The following DMWD variants were observed in gnomAD, a reference collection of about 807,000 sequenced individuals.
DMWD encodes the protein dystrophia myotonica WD repeat-containing protein.
DMWD carries 19 observed loss-of-function variants against 45.8 expected under a neutral mutation model. That is an observed-to-expected ratio of 0.41 (90% CI 0.29 to 0.61). The LOEUF (loss-of-function observed/expected upper bound fraction) is 0.61, where lower values mean the gene tolerates loss of function less well. Among genes scored for constraint, DMWD ranks in the 20% least tolerant of loss-of-function variants. The pLI is 0.25. For synonymous variants in DMWD, 515 were observed against 440.5 expected (o/e 1.17, Z -2.12); for missense variants, 802 against 965.2 (o/e 0.83, Z 2.24).
chr19:45,790,359 A>G (rs1036163741), intron 2 of DMWD, among the ~76,000 whole-genome samples: 1 of 150,638 alleles, frequency 6.6e-6, no homozygotes, highest in African/African-American at 2.4e-5. Context: ...TTACAATTAA[A>G]AAAAAAAAAA....
Position 45,792,808 on chromosome 19 carries a change from C to T in DMWD, c.-52G>A. The T allele has an allele frequency of 1.8e-5, 20 of 1,083,698 alleles. No individual in the cohort carries two copies. Among genetic ancestry groups the T allele is most frequent in the East Asian group, 6.3e-5 (1 of 15,916 alleles). The allele number at this position is 1,083,698 out of a possible 1,614,324, so 67.1% of individuals were successfully genotyped here. On this transcript the variant is annotated 5_prime_UTR_variant, in exon 1 of 5. Coordinates refer to ENST00000270223, the MANE Select transcript of DMWD (RefSeq NM_004943.2). ...TGCCGGACTGCCGCCCGCAGCCGGG[C>T]CCCCTCCCGGAAGCCGCTGGCCCGC...
chr19:45,786,983 A>G, intron 2 of DMWD, 112 bp from the exon 3 acceptor site: 1 of 1,491,482 alleles, frequency 6.7e-7, no homozygotes, highest in Admixed American at 2.1e-5. Context: ...CTCACACAGC[A>G]GGTGCCACAC....
intron 2 of DMWD, 150 bp from the exon 3 acceptor site, chr19:45,787,021 C>A: frequency 7.3e-7 from 1 of 1,361,204 alleles, no homozygotes; most frequent in Non-Finnish European, 9.9e-7. Flanking sequence ...CGGAGAGAAG[C>A]TCCCAAACTG....
chr19:45,790,323 A>G (rs1198895302), intron 2 of DMWD: 2 of 147,988 alleles, frequency 1.4e-5, no homozygotes, highest in East Asian at 4.0e-4. Flanking sequence ...AAAGAAAAAA[A>G]AAATTAAAAA....
rs1970368646 is a variant in DMWD, at chr19:45,792,568, G to A, written c.189C>T (p.Pro63=). The A allele has an allele frequency of 3.2e-6, 4 of 1,245,448 alleles. No homozygotes were observed. The highest frequency in any genetic ancestry group is 3.1e-6 in the Non-Finnish European group (3 of 981,610). 77.1% of individuals were successfully genotyped at this position (1,245,448 alleles called of 1,614,324 possible). Residue 63 remains proline, a synonymous_variant, in exon 1 of 5, where the codon CCC becomes CCT. Coordinates refer to ENST00000270223, the MANE Select transcript of DMWD (RefSeq NM_004943.2). ...PVPPQPPQPP[P]GPASASGPGA... ...CGGGACCGGAGGCGGAGGCAGGGCCGGGCGGGGGCTGCGGTGGCTGAGGCG... is the reference window on the plus strand; with the variant it reads ...CGGGACCGGAGGCGGAGGCAGGGCCAGGCGGGGGCTGCGGTGGCTGAGGCG...
In DMWD at chr19:45,790,886, C is replaced by A; in HGVS notation, c.624+19G>T. The A allele has an allele frequency of 6.3e-7, 1 of 1,589,738 alleles. No individual in the cohort carries two copies. The highest frequency in any genetic ancestry group is 8.6e-7 in the Non-Finnish European group (1 of 1,167,972). On this transcript the variant is annotated intron_variant, in intron 2 of 4. Transcript: ENST00000270223. ...GGTGAGAAGGCAGAGAAGTTGGGGGCTCTGGGGGCTGCAATCACCTCCTCA... is the reference window on the plus strand; with the variant it reads ...GGTGAGAAGGCAGAGAAGTTGGGGGATCTGGGGGCTGCAATCACCTCCTCA...
rs1029131344 is a variant in DMWD, at chr19:45,792,718, G to A, written c.39C>T (p.Gly13=). The change falls in exon 1 of 5, where the codon GGC becomes GGT. Residue 13 remains glycine (G), a synonymous_variant. Transcript: ENST00000270223. ...TCTCCGCGCAGTCCCCCATGGCGGC[G>A]CCGGGGCCCGAGCCGCCCTCCGCGC... ...AGGAEGGSGP[G]AAMGDCAEIK... 7.1e-5 allele frequency: 86 copies of A among 1,205,618 alleles called. No homozygotes were observed. The African/African-American group carries it at 1.3e-3, about 18-fold the overall frequency. The allele number at this position is 1,205,618 out of a possible 1,614,324, so 74.7% of individuals were successfully genotyped here.
intron 2 of DMWD, chr19:45,787,175 G>C (rs1025329101): frequency 2.1e-6 from 1 of 475,340 alleles, no homozygotes; most frequent in Non-Finnish European, 3.8e-6. Context: ...CCTGTATCTC[G>C]GGGTCCTCAA....
Position 45,792,812 on chromosome 19 carries a change from C to A in DMWD, c.-56G>T. The A allele has an allele frequency of 9.3e-7, 1 of 1,080,324 alleles. No homozygotes were observed. Among genetic ancestry groups the A allele is most frequent in the South Asian group, 4.4e-5 (1 of 22,870 alleles). The allele number at this position is 1,080,324 out of a possible 1,614,324, so 66.9% of individuals were successfully genotyped here. ...GGACTGCCGCCCGCAGCCGGGCCCCCTCCCGGAAGCCGCTGGCCCGCGCCG... is the reference window on the plus strand; with the variant it reads ...GGACTGCCGCCCGCAGCCGGGCCCCATCCCGGAAGCCGCTGGCCCGCGCCG... On this transcript the variant is annotated 5_prime_UTR_variant, in exon 1 of 5. The change creates a new upstream start codon in the 5' untranslated region. Coordinates refer to ENST00000270223, the MANE Select transcript of DMWD (RefSeq NM_004943.2).
Position 45,784,277 on chromosome 19 carries a change from TG to T in DMWD, c.1990del (p.Gln664AsnfsTer88). 6.6e-7 allele frequency: 1 copy of T among 1,517,774 alleles called. No homozygotes were observed. The highest frequency in any genetic ancestry group is 1.3e-5 in the South Asian group (1 of 75,672). 94.0% of individuals were successfully genotyped at this position (1,517,774 alleles called of 1,614,324 possible). A position where few individuals can be genotyped will look rare whatever the true frequency, so the allele number is the denominator to read the frequency against. On this transcript the variant is annotated frameshift_variant, in exon 5 of 5. Coordinates refer to ENST00000270223, the MANE Select transcript of DMWD (RefSeq NM_004943.2). LOFTEE classifies it high-confidence loss of function. ...SKSVVEGISS[Q>X]PGNSPSGTVV The stretch of plus-strand genomic sequence containing the variant: ...TGTGCCACTCGGGGAGTTGCCTGGT[TG>T]GGAGGAGATGCCCTGGGGAAGATGA...
Position 45,786,544 on chromosome 19 carries a change from G to A in DMWD, c.952C>T (p.Leu318=), listed in dbSNP as rs757318714. Residue 318 remains leucine, a synonymous_variant, in exon 3 of 5, where the codon CTG becomes TTG. Coordinates refer to ENST00000270223, the MANE Select transcript of DMWD (RefSeq NM_004943.2). ...AAGTAGCTCTTCATGAGCCCACGCA[G>A]GAGCATGGAGTCGAAGTGGAAGACG... ...LRVFHFDSML[L]RGLMKSYFGG... is the part of the protein sequence containing the mutation. The A allele has an allele frequency of 2.1e-5, 34 of 1,613,982 alleles. No homozygotes were observed. Among genetic ancestry groups the A allele is most frequent in the Admixed American group, 8.3e-5 (5 of 60,008 alleles).
At chr19:45,784,783 G>GA in intron 3 of DMWD, 68 bp from the exon 4 acceptor site, 1 of 1,576,438 alleles carries the variant, frequency 6.3e-7, no homozygotes, top group Non-Finnish European at 8.6e-7. Flanking sequence ...TCTTGCCTCT[G>GA]AGTCACTCAG....
rs1173261590 is a variant in DMWD at position 45,786,264 on chromosome 19, C to T, written c.1232G>A (p.Gly411Asp). ...AGAGAGCGGGGCGCCCCCGGCCGAG[C>T]CTGTGCCCGCAGCCTCGGGCTCCTC... ...EEEEPEAAGT[G>D]SAGGAPLSPL... The change falls in exon 3 of 5, where the codon GGC (glycine) becomes GAC (aspartate). Residue 411 changes from glycine to aspartate, a missense_variant. By Grantham distance (94) the Gly-to-Asp change is moderately conservative (BLOSUM62 -1). This residue lies in a region of DMWD where 67 missense variants were observed against 57.9 expected (regional missense o/e 1.16). Coordinates refer to ENST00000270223, the MANE Select transcript of DMWD (RefSeq NM_004943.2). 4.4e-6 allele frequency: 7 copies of T among 1,606,162 alleles called. No individual in the cohort carries two copies. The highest frequency in any genetic ancestry group is 5.1e-6 in the Non-Finnish European group (6 of 1,175,210).
chr19:45,792,616 C>T lies in DMWD; in HGVS notation c.141G>A (p.Pro47=). The T allele has an allele frequency of 7.5e-7, 1 of 1,326,582 alleles. No homozygotes were observed. Among genetic ancestry groups the T allele is most frequent in the Non-Finnish European group, 9.8e-7 (1 of 1,022,188 alleles). The allele number at this position is 1,326,582 out of a possible 1,614,324, so 82.2% of individuals were successfully genotyped here. ...GCGGCACCGGAGTCTGGGCGGAAGC[C>T]GGACCCGACCTGCGAGCGGCGCCGT... ...PGDGAARRSG[P]ASAQTPVPPQ... Residue 47 remains proline (P), a synonymous_variant, in exon 1 of 5, where the codon CCG becomes CCA. Transcript: ENST00000270223.
At position 45,786,584 on chromosome 19, in the gene DMWD, C is replaced by T. The variant is rs912299486; in HGVS notation, c.912G>A (p.Gln304=). The change falls in exon 3 of 5, where the codon CAG becomes CAA. Residue 304 remains glutamine, a synonymous_variant. Coordinates refer to ENST00000270223, the MANE Select transcript of DMWD (RefSeq NM_004943.2). The part of the protein sequence containing the change: ...PDGRHLACVS[Q]DGCLRVFHFD... ...AGTGGAAGACGCGCAGGCAGCCATCCTGGCTCACACAGGCCAGGTGCCGGC... is the reference window on the plus strand; with the variant it reads ...AGTGGAAGACGCGCAGGCAGCCATCTTGGCTCACACAGGCCAGGTGCCGGC... 5 of 1,613,836 alleles carry T rather than the reference C, an allele frequency of 3.1e-6. No individual in the cohort carries two copies. The highest frequency in any genetic ancestry group is 1.3e-5 in the African/African-American group (1 of 74,948).
chr19:45,787,538 G>A (rs946874240), intron 2 of DMWD, among the ~76,000 whole-genome samples: 22 of 152,114 alleles, frequency 1.4e-4, no homozygotes, highest in African/African-American at 4.6e-4. Context: ...TCTTTACTAC[G>A]TCAGGCTTCA....
At position 45,786,074 on chromosome 19, in the gene DMWD, G is replaced by A. The variant is rs1970268636; in HGVS notation, c.1422C>T (p.Ser474=). 6.6e-7 allele frequency: 1 copy of A among 1,519,894 alleles called. No individual in the cohort carries two copies. The highest frequency in any genetic ancestry group is 8.8e-7 in the Non-Finnish European group (1 of 1,132,408). The allele number at this position is 1,519,894 out of a possible 1,614,324, so 94.2% of individuals were successfully genotyped here. A position where few individuals can be genotyped will look rare whatever the true frequency, so the allele number is the denominator to read the frequency against. ...GGCCAGGCTCGCCACCCCTCGAGCT[G>A]CTGGCGGCCGGTGGCGTGGTGCCAG... The part of the protein sequence containing the change: ...GTPGTTPPAA[S]SSRGGEPGPG... The change falls in exon 3 of 5, where the codon AGC becomes AGT. Residue 474 remains serine, a synonymous_variant. Transcript: ENST00000270223.
rs1970214308 is a variant in DMWD, at chr19:45,783,566, C to A, written c.*677G>T. On this transcript the variant is annotated 3_prime_UTR_variant, in exon 5 of 5. Transcript: ENST00000270223. ...GTCACCAGTTGTGTGACTCGCAGGT[C>A]CGTTCCCTCCCTGGGCTCCGGCTTT... The A allele has an allele frequency of 5.0e-6, 2 of 398,768 alleles. No individual in the cohort carries two copies. Among genetic ancestry groups the A allele is most frequent in the South Asian group, 1.3e-4 (1 of 7,884 alleles). 24.7% of individuals were successfully genotyped at this position (398,768 alleles called of 1,614,324 possible). A position where few individuals can be genotyped will look rare whatever the true frequency, so the allele number is the denominator to read the frequency against.
chr19:45,785,245 T>G, intron 3 of DMWD: 2 of 1,062,754 alleles, frequency 1.9e-6, no homozygotes. Flanking sequence ...AGTTTCACGA[T>G]TTAAAAAACA....
Sources: allele counts gnomAD v4.1 joint callset (sites outside exome capture counted in the v4.1 genomes callset), GRCh38; gene constraint gnomAD v4.1.1; regional missense constraint gnomAD v4.1.1; transcripts MANE v1.5; gene names NCBI Gene and HGNC (gene_info 2026-07-23, HGNC 2026-07-21).